FAN1: variants seen among roughly 807,000 people sequenced by gnomAD.
The protein encoded by FAN1 is fanconi-associated nuclease 1.
In FAN1, 91 loss-of-function variants were observed where a neutral mutation model predicts 104.9. The observed-to-expected ratio is 0.87, with a 90% CI of 0.73 to 1.03. FAN1 has a LOEUF of 1.03. Among genes scored for constraint, FAN1 ranks in the 50% least tolerant of loss-of-function variants. The pLI is 0.00. For synonymous variants in FAN1, 478 were observed against 457.6 expected (o/e 1.04, Z -0.57); for missense variants, 1,263 against 1,239.9 (o/e 1.02, Z -0.28).
intron 13 of FAN1, among the ~76,000 whole-genome samples, chr15:30,932,416 T>C (rs1041516646): frequency 9.2e-5 from 14 of 152,136 alleles, no homozygotes; most frequent in African/African-American, 2.9e-4. Context: ...CTTTTCTTAT[T>C]ATCTCTTTGT....
At chr15:30,938,515 G>GT (rs1250210765) in intron 14 of FAN1, among the ~76,000 whole-genome samples, 1 of 152,102 alleles carries the variant, frequency 6.6e-6, no homozygotes, top group African/African-American at 2.4e-5. Flanking sequence ...CTAGATAGGG[G>GT]TATTTTCTCT....
rs1164866538 is a variant in FAN1 at position 30,941,336 on chromosome 15, TA to T, written c.*4-227del. On this transcript the variant is annotated intron_variant, in intron 14 of 14. Coordinates refer to ENST00000362065, the MANE Select transcript of FAN1 (RefSeq NM_014967.5). ...AAAGAAGCATGATTCAACATGTTTT[TA>T]AATATTAGTGCAAATTCCAACTATT... The T allele has an allele frequency of 2.6e-6, 4 of 1,533,680 alleles. No individual in the cohort carries two copies. In the African/African-American group the frequency reaches 5.5e-5, roughly 21 times the overall value.
At position 30,904,837 on chromosome 15, in the gene FAN1, G is replaced by A. The variant is rs143965941; in HGVS notation, c.174G>A (p.Arg58=). Residue 58 remains arginine, a synonymous_variant, in exon 2 of 15, where the codon CGG becomes CGA. Coordinates refer to ENST00000362065, the MANE Select transcript of FAN1 (RefSeq NM_014967.5). ...TGGTGCCTAGATATGACTTAAACCG[G>A]CACCTTGATGAAATGTGTGCTAACA... is the stretch of plus-strand genomic sequence containing the variant. ...SKMVPRYDLN[R]HLDEMCANND... The A allele has an allele frequency of 8.7e-4, 1,400 of 1,613,198 alleles. 1 individual carries two copies. The highest frequency in any genetic ancestry group is 1.1e-3 in the Non-Finnish European group (1,306 of 1,179,236).
intron 10 of FAN1, chr15:30,928,269 C>A: frequency 8.3e-7 from 1 of 1,205,910 alleles, no homozygotes; most frequent in South Asian, 2.6e-5. Flanking sequence ...TTAGGTTATT[C>A]ACTAAAGTTT....
chr15:30,916,607 A>G (rs2062203912), intron 5 of FAN1, among the ~76,000 whole-genome samples: 1 of 152,218 alleles, frequency 6.6e-6, no homozygotes, highest in Non-Finnish European at 1.5e-5. Flanking sequence ...AGTATTCAAT[A>G]TCTGGTAATG....
chr15:30,911,113 G>T (rs1329622538), intron 4 of FAN1: 5 of 1,137,338 alleles, frequency 4.4e-6, no homozygotes, highest in Non-Finnish European at 5.4e-6. Flanking sequence ...ATTCTTATGG[G>T]ATTTTAAGGT....
At chr15:30,913,103 G>A (rs939595480) in intron 4 of FAN1, among the ~76,000 whole-genome samples, 4 of 152,198 alleles carry the variant, frequency 2.6e-5, no homozygotes, top group African/African-American at 9.7e-5. Context: ...GTTAGGAACT[G>A]GGCCACACAG....
chr15:30,909,196 CATTTT>C lies in FAN1; in HGVS notation c.1375+940_1375+944del, dbSNP rs139565588. ...GTGAGCCTTGGGTTCAAGTTGCTGA[CATTTT>C]AGACCAAAATAAGCGAATCAGCCAG... On this transcript the variant is annotated intron_variant, in intron 3 of 14. Coordinates refer to ENST00000362065, the MANE Select transcript of FAN1 (RefSeq NM_014967.5). 2.4e-3 allele frequency among the ~76,000 whole-genome samples: 360 copies of C among 152,262 alleles called. 6 individuals are homozygous for C. In the East Asian group the frequency reaches 0.038, roughly 16 times the overall value.
intron 13 of FAN1, among the ~76,000 whole-genome samples, chr15:30,934,217 C>T (rs896949075): frequency 4.6e-5 from 7 of 151,956 alleles, no homozygotes; most frequent in African/African-American, 1.7e-4. Context: ...CAACTTTGTC[C>T]GATATTGTCA....
chr15:30,929,443 C>T (rs202052932), intron 12 of FAN1, 46 bp downstream of exon 12: 344 of 1,465,396 alleles, frequency 2.3e-4, no homozygotes, highest in Non-Finnish European at 2.9e-4. Flanking sequence ...AAGTTAACAC[C>T]GCCCCAGTGC....
intron 12 of FAN1, 121 bp from the exon 13 acceptor site, chr15:30,930,422 T>TG: frequency 8.6e-7 from 1 of 1,159,444 alleles, no homozygotes; most frequent in Non-Finnish European, 1.2e-6. Flanking sequence ...ATGGTGGGCC[T>TG]GGGGTCCATG....
intron 10 of FAN1, 22 bp from the exon 11 acceptor site, chr15:30,928,531 T>TGTGTGTGTGG: frequency 6.2e-7 from 1 of 1,612,558 alleles, no homozygotes; most frequent in Non-Finnish European, 8.5e-7. Context: ...TGTGTGTGTG[T>TGTGTGTGTGG]GTGTGTGTGA....
intron 14 of FAN1, among the ~76,000 whole-genome samples, chr15:30,938,141 A>G (rs1212263239): frequency 3.3e-5 from 5 of 151,632 alleles, no homozygotes; most frequent in Non-Finnish European, 4.4e-5. Flanking sequence ...CCGAGATTGC[A>G]CCACTGCACT....
intron 12 of FAN1, among the ~76,000 whole-genome samples, chr15:30,929,820 T>A (rs193058258): frequency 2.6e-5 from 1 of 39,200 alleles, no homozygotes; most frequent in African/African-American, 1.9e-4. Context: ...TATAATATAT[T>A]ATATCATATA....
intron 13 of FAN1, among the ~76,000 whole-genome samples, chr15:30,936,185 A>G (rs1161101599): frequency 6.6e-6 from 1 of 152,142 alleles, no homozygotes; most frequent in Non-Finnish European, 1.5e-5. Flanking sequence ...CTTCATGAAG[A>G]TGACATGTAG....
chr15:30,942,099 C>T lies in FAN1; in HGVS notation c.*537C>T. On this transcript the variant is annotated 3_prime_UTR_variant, in exon 15 of 15. Transcript: ENST00000362065. Reference sequence around the variant, plus strand: ...TATACAGAAGAGATTTTATTATGTTCCGGGGATTCCCTTTTTAGAAAGATT... The same window carrying T: ...TATACAGAAGAGATTTTATTATGTTTCGGGGATTCCCTTTTTAGAAAGATT... The T allele has an allele frequency of 6.3e-7, 1 of 1,579,262 alleles. No homozygotes were observed. Among genetic ancestry groups the T allele is most frequent in the East Asian group, 2.3e-5 (1 of 44,444 alleles).
chr15:30,942,889 C>T lies in FAN1; in HGVS notation c.*1327C>T. 6.4e-7 allele frequency: 1 copy of T among 1,559,256 alleles called. No individual in the cohort carries two copies. Among genetic ancestry groups the T allele is most frequent in the South Asian group, 1.2e-5 (1 of 83,736 alleles). ...ATCACGTTTTGTTAGCTGTGATTTACCTTTGTCCGTTTAAAAGACTTCACG... is the reference window on the plus strand; with the variant it reads ...ATCACGTTTTGTTAGCTGTGATTTATCTTTGTCCGTTTAAAAGACTTCACG... On this transcript the variant is annotated 3_prime_UTR_variant, in exon 15 of 15. Transcript: ENST00000362065.
chr15:30,917,541 A>T (rs73381353), intron 5 of FAN1, among the ~76,000 whole-genome samples: 5,713 of 152,220 alleles, frequency 0.038, 354 homozygotes, highest in African/African-American at 0.13. Context: ...TTTCTTTTAG[A>T]TGTGAGACCA....
chr15:30,928,327 T>C, intron 10 of FAN1: 1 of 1,299,334 alleles, frequency 7.7e-7, no homozygotes, highest in Non-Finnish European at 9.7e-7. Context: ...AATTTTTCTA[T>C]GATTACTAAG....
Sources: gnomAD v4.1 joint callset for allele counts (sites outside exome capture counted in the v4.1 genomes callset) on GRCh38, gnomAD v4.1.1 for gene constraint, MANE v1.5 for transcripts, NCBI Gene and HGNC (gene_info 2026-07-23, HGNC 2026-07-21) for gene names.